The following F13A1 variants were observed in gnomAD, a reference collection of about 807,000 sequenced individuals.
The protein encoded by F13A1 is FSF, A subunit.
In F13A1, 47 loss-of-function variants were observed where a neutral mutation model predicts 80.1. That is an observed-to-expected ratio of 0.59 (90% CI 0.46 to 0.75). The LOEUF is 0.75. F13A1 is among the 30% of genes least tolerant of loss of function. F13A1 has a pLI of 0.00. For missense variants in F13A1, 817 were observed against 930.4 expected (o/e 0.88, Z 1.59); for synonymous variants, 349 against 344.9 (o/e 1.01, Z -0.13).
chr6:6,225,515 T>C (rs1757264408), intron 6 of F13A1, among the ~76,000 whole-genome samples: 2 of 152,108 alleles, frequency 1.3e-5, no homozygotes, highest in South Asian at 4.1e-4. Flanking sequence ...TCTCTCTCTC[T>C]CTTTCTTTCT....
intron 10 of F13A1, among the ~76,000 whole-genome samples, chr6:6,189,625 A>T (rs1187335063): frequency 7.1e-6 from 1 of 141,052 alleles, no homozygotes; most frequent in African/African-American, 2.5e-5. Flanking sequence ...CTTTCAGGGT[A>T]ACCCGACCTT....
At chr6:6,174,251 G>A (rs1028437035) in intron 12 of F13A1, among the ~76,000 whole-genome samples, 1 of 152,110 alleles carries the variant, frequency 6.6e-6, no homozygotes, top group Non-Finnish European at 1.5e-5. Context: ...TTTGCCTGGC[G>A]TGGTGGCATG....
chr6:6,244,137 A>T (rs941779854), intron 6 of F13A1, among the ~76,000 whole-genome samples: 1 of 152,194 alleles, frequency 6.6e-6, no homozygotes, highest in Non-Finnish European at 1.5e-5. Context: ...TTATTCACAG[A>T]AACTTGGGGC....
intron 13 of F13A1, among the ~76,000 whole-genome samples, chr6:6,163,181 C>T (rs985586859): frequency 1.1e-4 from 17 of 152,192 alleles, no homozygotes; most frequent in African/African-American, 4.1e-4. Context: ...GAGGCTCAGT[C>T]AGTTGTGTGT....
intron 3 of F13A1, among the ~76,000 whole-genome samples, chr6:6,275,947 G>GTAGA (rs1757982601): frequency 6.6e-6 from 1 of 152,186 alleles, no homozygotes; most frequent in African/African-American, 2.4e-5. Flanking sequence ...GTTCTACAAT[G>GTAGA]TAGACAAAGT....
At chr6:6,287,715 G>A (rs955502979) in intron 3 of F13A1, among the ~76,000 whole-genome samples, 1 of 152,204 alleles carries the variant, frequency 6.6e-6, no homozygotes, top group Non-Finnish European at 1.5e-5. Flanking sequence ...CACATGGTAA[G>A]GTCTCTGGCA....
intron 2 of F13A1, among the ~76,000 whole-genome samples, chr6:6,312,736 A>G (rs920798655): frequency 4.3e-5 from 3 of 69,104 alleles, no homozygotes; most frequent in Admixed American, 1.5e-4. Flanking sequence ...GACATTTCAT[A>G]AAAAATAAAA....
intron 10 of F13A1, among the ~76,000 whole-genome samples, chr6:6,192,921 C>T (rs1454330330): frequency 6.6e-6 from 1 of 152,126 alleles, no homozygotes; most frequent in Non-Finnish European, 1.5e-5. Context: ...GGAGAGAGTT[C>T]TTCACTAAGA....
chr6:6,195,817 C>T lies in F13A1; in HGVS notation c.1285G>A (p.Ala429Thr), dbSNP rs547712318. 2 of 1,614,180 alleles carry T rather than the reference C, an allele frequency of 1.2e-6. No homozygotes were observed. The highest frequency in any genetic ancestry group is 1.7e-6 in the Non-Finnish European group (2 of 1,180,024). Residue 429 changes from alanine (A) to threonine (T), a missense_variant, in exon 10 of 15, where the codon GCA becomes ACA. Ala to Thr is a moderately conservative substitution (Grantham distance 58). Coordinates refer to ENST00000264870, the MANE Select transcript of F13A1 (RefSeq NM_000129.4). ...KHGHVCFQFD[A>T]PFVFAEVNSD... ...CTTACCTCTGCAAAAACAAAAGGTG[C>T]ATCAAATTGGAAGCAGACATGGCCG...
At chr6:6,311,348 G>T (rs1758589478) in intron 2 of F13A1, among the ~76,000 whole-genome samples, 1 of 151,892 alleles carries the variant, frequency 6.6e-6, no homozygotes, top group Non-Finnish European at 1.5e-5. Flanking sequence ...GCTAGTTTCA[G>T]GACATATATA....
chr6:6,275,360 A>AT (rs11356157), intron 3 of F13A1, among the ~76,000 whole-genome samples: 27 of 151,724 alleles, frequency 1.8e-4, no homozygotes, highest in Middle Eastern at 6.8e-3. Context: ...CATTTTTTTT[A>AT]TTTTTTTTGT....
intron 8 of F13A1, among the ~76,000 whole-genome samples, chr6:6,205,795 T>A (rs1367087135): frequency 6.6e-6 from 1 of 151,940 alleles, no homozygotes; most frequent in African/African-American, 2.4e-5. Context: ...ACACAAGTTA[T>A]AAAACAAAAC....
At chr6:6,164,661 T>C (rs550067895) in intron 13 of F13A1, among the ~76,000 whole-genome samples, 1 of 146,064 alleles carries the variant, frequency 6.8e-6, no homozygotes, top group Admixed American at 6.9e-5. Flanking sequence ...TCCCCCCCAT[T>C]CTCGCTCCTT....
chr6:6,252,516 G>A (rs1757647503), intron 4 of F13A1, among the ~76,000 whole-genome samples: 1 of 151,870 alleles, frequency 6.6e-6, no homozygotes, highest in Non-Finnish European at 1.5e-5. Flanking sequence ...AAATGCTAAG[G>A]CAAAAAATAA....
At chr6:6,241,506 A>G (rs932580866) in intron 6 of F13A1, among the ~76,000 whole-genome samples, 2 of 152,204 alleles carry the variant, frequency 1.3e-5, no homozygotes, top group Non-Finnish European at 2.9e-5. Context: ...TTGTTTTGAT[A>G]GATGAACTTT....
At chr6:6,312,785 A>G (rs1378294164) in intron 2 of F13A1, among the ~76,000 whole-genome samples, 3 of 152,156 alleles carry the variant, frequency 2.0e-5, no homozygotes, top group Non-Finnish European at 4.4e-5. Context: ...AAAGCTACAC[A>G]GAGAGGTTGA....
At chr6:6,236,149 G>T (rs1380768300) in intron 6 of F13A1, among the ~76,000 whole-genome samples, 1 of 152,090 alleles carries the variant, frequency 6.6e-6, no homozygotes, top group Non-Finnish European at 1.5e-5. Flanking sequence ...GGTACACAAA[G>T]CAGGGAGTGG....
intron 10 of F13A1, among the ~76,000 whole-genome samples, chr6:6,188,380 A>G (rs1263340660): frequency 2.2e-5 from 3 of 135,782 alleles, no homozygotes. Context: ...ATTTCCCTCT[A>G]CACACTGCTT....
intron 8 of F13A1, among the ~76,000 whole-genome samples, chr6:6,204,831 T>C (rs1000022102): frequency 6.6e-6 from 1 of 152,232 alleles, no homozygotes; most frequent in African/African-American, 2.4e-5. Flanking sequence ...AGCTATTCAT[T>C]GTTTGAGCCT....
Sources: allele counts gnomAD v4.1 joint callset (sites outside exome capture counted in the v4.1 genomes callset), GRCh38; gene constraint gnomAD v4.1.1; transcripts MANE v1.5; gene names NCBI Gene and HGNC (gene_info 2026-07-23, HGNC 2026-07-21).